Variants in ZBTB48 observed in about 807,000 individuals in gnomAD.
The protein encoded by ZBTB48 is zinc finger and BTB domain containing 48.
ZBTB48 carries 35 observed loss-of-function variants against 64.5 expected under a neutral mutation model. The observed-to-expected ratio is 0.54, with a 90% confidence interval of 0.41 to 0.72. The LOEUF (loss-of-function observed/expected upper bound fraction) is 0.72, where lower values mean the gene tolerates loss of function less well. ZBTB48 is among the 30% of genes least tolerant of loss of function. The pLI is 0.00. For missense variants in ZBTB48, 828 were observed against 895.3 expected, an observed-to-expected ratio of 0.92 and a Z score of 0.96; for synonymous variants, 442 against 356.7, an observed-to-expected ratio of 1.24 and a Z score of -2.70.
chr1:6,588,648 T>C, intron 9 of ZBTB48, 108 bp from the exon 10 acceptor site: 1 of 1,521,062 alleles, frequency 6.6e-7, no homozygotes, highest in Non-Finnish European at 8.9e-7. Context: ...GTGCAGCACT[T>C]GTAAACCACT....
intron 3 of ZBTB48, 24 bp from the exon 4 acceptor site, chr1:6,585,895 C>G (rs776367596): frequency 4.3e-5 from 69 of 1,611,254 alleles, no homozygotes; most frequent in African/African-American, 1.5e-4. Flanking sequence ...TCAGCCCCCC[C>G]ACCCCTGTGG....
intron 7 of ZBTB48, among the ~76,000 whole-genome samples, 161 bp downstream of exon 7, chr1:6,587,793 G>A (rs1359618245): frequency 6.6e-6 from 1 of 152,220 alleles, no homozygotes; most frequent in African/African-American, 2.4e-5. Flanking sequence ...TGGGACCTGA[G>A]GGGCAAGCAG....
rs371402402 is a variant in ZBTB48 at position 6,588,763 on chromosome 1, G to A, written c.1689G>A (p.Glu563=). The change falls in exon 10 of 11, where the codon GAG becomes GAA. Residue 563 remains glutamate (E), a synonymous_variant. Coordinates refer to ENST00000377674, the MANE Select transcript of ZBTB48 (RefSeq NM_005341.4). ...QICGKTFKAV[E]QLRVHVRRHK... ...GTGTTCTCCCTCTTGCAGCCGTGGAGCAACTGCGTGTGCACGTCAGACGGC... is the reference window on the plus strand; with the variant it reads ...GTGTTCTCCCTCTTGCAGCCGTGGAACAACTGCGTGTGCACGTCAGACGGC... The A allele has an allele frequency of 5.7e-5, 92 of 1,614,006 alleles. No homozygotes were observed. Among genetic ancestry groups the A allele is most frequent in the Non-Finnish European group, 7.5e-5 (88 of 1,180,058 alleles).
intron 3 of ZBTB48, among the ~76,000 whole-genome samples, chr1:6,583,603 A>ATTT (rs147175046): frequency 9.2e-6 from 1 of 108,642 alleles, no homozygotes; most frequent in Non-Finnish European, 2.0e-5. Flanking sequence ...CCAGCCTGTT[A>ATTT]TTTTTTTTTT....
rs771180294 is a variant in ZBTB48, at chr1:6,586,675, C to G, written c.1045-20C>G. 6.5e-7 allele frequency: 1 copy of G among 1,528,024 alleles called. No individual in the cohort carries two copies. The highest frequency in any genetic ancestry group is 8.8e-7 in the Non-Finnish European group (1 of 1,137,824). 94.7% of individuals were successfully genotyped at this position (1,528,024 alleles called of 1,614,324 possible). On this transcript the variant is annotated intron_variant, in intron 4 of 10. Transcript: ENST00000377674. ...GAGGCCCCCGCTGATGCCGGCCCTG[C>G]TTGCCCCTCACACTGCCAGGTCTTC...
At position 6,582,080 on chromosome 1, in the gene ZBTB48, A is replaced by T; in HGVS notation, c.713A>T (p.Glu238Val). The change falls in exon 3 of 11, where the codon GAG (glutamate) becomes GTG (valine). Residue 238 changes from glutamate (E) to valine (V), a missense_variant. Coordinates refer to ENST00000377674, the MANE Select transcript of ZBTB48 (RefSeq NM_005341.4). ...SNEWEVVVQV[E>V]DDGDGDYMSE... ...TAGTGGGAAGTGGTGGTTCAAGTGGAGGATGATGGGGATGGCGATTACATG... is the reference window on the plus strand; with the variant it reads ...TAGTGGGAAGTGGTGGTTCAAGTGGTGGATGATGGGGATGGCGATTACATG... 6.2e-7 allele frequency: 1 copy of T among 1,614,070 alleles called. No homozygotes were observed. The highest frequency in any genetic ancestry group is 8.5e-7 in the Non-Finnish European group (1 of 1,179,978).
At chr1:6,585,101 G>C (rs919224197) in intron 3 of ZBTB48, among the ~76,000 whole-genome samples, 1 of 152,140 alleles carries the variant, frequency 6.6e-6, no homozygotes, top group Admixed American at 6.5e-5. Flanking sequence ...TTGTGAGTGG[G>C]GTTCGATTGC....
chr1:6,583,603 ATTTT>A (rs147175046), intron 3 of ZBTB48, among the ~76,000 whole-genome samples: 2 of 108,648 alleles, frequency 1.8e-5, no homozygotes, highest in Non-Finnish European at 4.0e-5. Context: ...CCAGCCTGTT[ATTTT>A]TTTTTTTTTT....
At position 6,584,664 on chromosome 1, in the gene ZBTB48, T is replaced by C. The variant is rs1640596765; in HGVS notation, c.933-1255T>C. On this transcript the variant is annotated intron_variant, in intron 3 of 10. Coordinates refer to ENST00000377674, the MANE Select transcript of ZBTB48 (RefSeq NM_005341.4). This position sits in a 1 kb window ranked among gnomAD's most constrained non-coding sequence, Gnocchi z 4.5. The stretch of plus-strand genomic sequence containing the variant: ...GTACTGCTGGATGCTTGCTTTCAAG[T>C]ACTCTGCTGGGGTAAGACTCTGGGG... Among the ~76,000 whole-genome samples the C allele has an allele frequency of 6.6e-6, 1 of 152,240 alleles. No individual in the cohort carries two copies. Among genetic ancestry groups the C allele is most frequent in the Non-Finnish European group, 1.5e-5 (1 of 68,042 alleles).
At chr1:6,582,322 T>C in intron 3 of ZBTB48, 23 bp downstream of exon 3, 1 of 1,601,194 alleles carries the variant, frequency 6.2e-7, no homozygotes, top group Non-Finnish European at 8.5e-7. Context: ...TTTTTCTATT[T>C]TCTTTTCCTG....
intron 5 of ZBTB48, 68 bp from the exon 6 acceptor site, chr1:6,587,137 C>T: frequency 6.4e-7 from 1 of 1,553,590 alleles, no homozygotes; most frequent in Non-Finnish European, 8.9e-7. Flanking sequence ...GCCCTATAGC[C>T]CAAGGGTGGG....
rs1640585614 is a variant in ZBTB48, at chr1:6,584,430, C to A, written c.933-1489C>A. ...GTGGGGATGGCGGCCCAGTGGCATG[C>A]CTTCCAGTCCTGCCACTCCCAGCCA... On this transcript the variant is annotated intron_variant, in intron 3 of 10. Coordinates refer to ENST00000377674, the MANE Select transcript of ZBTB48 (RefSeq NM_005341.4). This position sits in a 1 kb window ranked among gnomAD's most constrained non-coding sequence, Gnocchi z 4.5. Among the ~76,000 whole-genome samples, 1 of 152,192 alleles carries A rather than the reference C, an allele frequency of 6.6e-6. No individual in the cohort carries two copies. The highest frequency in any genetic ancestry group is 1.5e-5 in the Non-Finnish European group (1 of 68,030).
chr1:6,586,668 G>A lies in ZBTB48; in HGVS notation c.1045-27G>A, dbSNP rs762862580. On this transcript the variant is annotated intron_variant, in intron 4 of 10. Transcript: ENST00000377674. ...ATAGGCAGAGGCCCCCGCTGATGCCGGCCCTGCTTGCCCCTCACACTGCCA... is the reference window on the plus strand; with the variant it reads ...ATAGGCAGAGGCCCCCGCTGATGCCAGCCCTGCTTGCCCCTCACACTGCCA... The A allele has an allele frequency of 1.1e-4, 158 of 1,501,974 alleles. 1 individual carries two copies. The highest frequency in any genetic ancestry group is 1.8e-4 in the South Asian group (14 of 75,926). The allele number at this position is 1,501,974 out of a possible 1,614,324, so 93.0% of individuals were successfully genotyped here.
chr1:6,586,351 C>T (rs1387248338), intron 4 of ZBTB48: 1 of 494,112 alleles, frequency 2.0e-6, no homozygotes, highest in Middle Eastern at 5.5e-4. Flanking sequence ...CCCCTGGCCA[C>T]CCCCAGCAAC....
At chr1:6,582,601 C>A (rs1257065959) in intron 3 of ZBTB48, among the ~76,000 whole-genome samples, 1 of 152,246 alleles carries the variant, frequency 6.6e-6, no homozygotes, top group East Asian at 1.9e-4. Flanking sequence ...AATGAGAAAC[C>A]TGTGGCCCCT....
At chr1:6,588,037 G>T (rs754402060) in intron 7 of ZBTB48, 23 bp from the exon 8 acceptor site, 2 of 1,613,670 alleles carry the variant, frequency 1.2e-6, no homozygotes, top group Non-Finnish European at 1.7e-6. Context: ...GATGGCCTCT[G>T]CCCCATGTCC....
chr1:6,581,224 G>T lies in ZBTB48; in HGVS notation c.615G>T (p.Lys205Asn), dbSNP rs372827093. ...QALKPCPLED[K>N]KPEDCKVPPR... Reference sequence around the variant, plus strand: ...TGAAGCCTTGTCCCCTTGAGGACAAGAAACCCGAGGACTGCAAAGTGCCCC... The same window carrying T: ...TGAAGCCTTGTCCCCTTGAGGACAATAAACCCGAGGACTGCAAAGTGCCCC... Residue 205 changes from lysine to asparagine, a missense_variant, in exon 2 of 11, where the codon AAG (lysine) becomes AAT (asparagine). By Grantham distance (94) the Lys-to-Asn change is moderately conservative (BLOSUM62 0). Transcript: ENST00000377674. The T allele has an allele frequency of 3.0e-5, 49 of 1,613,006 alleles. No individual in the cohort carries two copies. The highest frequency in any genetic ancestry group is 5.0e-5 in the Admixed American group (3 of 59,986).
chr1:6,580,558 C>T lies in ZBTB48; in HGVS notation c.-52C>T. ...GACTCCAGGAGCTTTCTCTTGCATA[C>T]CCTCGCTTAGGCTGGCCGGGGTGTC... On this transcript the variant is annotated 5_prime_UTR_variant, in exon 2 of 11. Transcript: ENST00000377674. The surrounding 1 kb of genome is among the most constrained non-coding windows in gnomAD (Gnocchi z 5.2). 3 of 1,559,424 alleles carry T rather than the reference C, an allele frequency of 1.9e-6. No individual in the cohort carries two copies. The highest frequency in any genetic ancestry group is 2.6e-6 in the Non-Finnish European group (3 of 1,149,700).
At chr1:6,581,441 C>A in intron 2 of ZBTB48, 142 bp downstream of exon 2, 1 of 926,848 alleles carries the variant, frequency 1.1e-6, no homozygotes. Context: ...GGGGGTGGAT[C>A]ACTTTAGCTT....
Sources: allele counts gnomAD v4.1 joint callset (sites outside exome capture counted in the v4.1 genomes callset), GRCh38; gene constraint gnomAD v4.1.1; non-coding constraint Gnocchi (gnomAD v3.1); transcripts MANE v1.5; gene names NCBI Gene and HGNC (gene_info 2026-07-23, HGNC 2026-07-21).